FEM1C: variants seen among roughly 807,000 people sequenced by gnomAD.
The protein encoded by FEM1C is protein fem-1 homolog C.
A neutral mutation model predicts 37.6 loss-of-function variants in FEM1C; 15 were observed. The observed-to-expected ratio is 0.40, with a 90% CI of 0.27 to 0.61. FEM1C has a LOEUF of 0.61. Ranked by LOEUF, FEM1C falls within the 20% of genes least tolerant of loss-of-function variation. FEM1C has a pLI of 0.42. For missense variants in FEM1C, 532 were observed against 749.7 expected (o/e 0.71, Z 3.39); for synonymous variants, 287 against 272.8 (o/e 1.05, Z -0.51).
intron 2 of FEM1C, among the ~76,000 whole-genome samples, chr5:115,540,031 GAC>G (rs1217857384): frequency 6.6e-6 from 1 of 152,080 alleles, no homozygotes; most frequent in African/African-American, 2.4e-5. Flanking sequence ...TCCAGTGAAT[GAC>G]ACACAAAATG....
chr5:115,530,544 T>C (rs187136994), intron 2 of FEM1C, among the ~76,000 whole-genome samples: 5 of 152,164 alleles, frequency 3.3e-5, no homozygotes, highest in Middle Eastern at 3.4e-3. Context: ...TAAAAGAACA[T>C]GGCACTCAAC....
In FEM1C at chr5:115,521,689, T is replaced by C. The variant is rs1340959554; in HGVS notation, c.*2619A>G. 6.6e-6 allele frequency: 1 copy of C among 151,874 alleles called. No individual in the cohort carries two copies. The highest frequency in any genetic ancestry group is 2.4e-5 in the African/African-American group (1 of 41,408). The allele number at this position is 151,874 out of a possible 1,614,324, so 9.4% of individuals were successfully genotyped here. On this transcript the variant is annotated 3_prime_UTR_variant, in exon 3 of 3. Transcript: ENST00000274457. ...ACCGTGCTACAGTGTACAGTTTAGT[T>C]AGACTCAAGAGTGTAATTGGTTCAT... is the stretch of plus-strand genomic sequence containing the variant.
chr5:115,537,702 A>C (rs2127173738), intron 2 of FEM1C, among the ~76,000 whole-genome samples: 1 of 152,204 alleles, frequency 6.6e-6, no homozygotes, highest in East Asian at 1.9e-4. Context: ...CTCAATCAAA[A>C]TAAATATAGA....
At chr5:115,528,002 A>G (rs921302448) in intron 2 of FEM1C, among the ~76,000 whole-genome samples, 3 of 42,040 alleles carry the variant, frequency 7.1e-5, no homozygotes, top group Admixed American at 2.7e-4. Context: ...TTCGTCTCAG[A>G]AAAAAAAAAA....
chr5:115,531,034 T>C (rs1754004431), intron 2 of FEM1C, among the ~76,000 whole-genome samples: 2 of 152,080 alleles, frequency 1.3e-5, no homozygotes, highest in Non-Finnish European at 2.9e-5. Context: ...TTGCCCCCTT[T>C]TAATCTTATA....
Position 115,525,232 on chromosome 5 carries a change from A to G in FEM1C, c.930T>C (p.Gly310=), listed in dbSNP as rs540544424. The change falls in exon 3 of 3, where the codon GGT becomes GGC. Residue 310 remains glycine (G), a synonymous_variant. Coordinates refer to ENST00000274457, the MANE Select transcript of FEM1C (RefSeq NM_020177.3). ...KEVNSAEELE[G]LIADPDEMRM... Reference sequence around the variant, plus strand: ...TCATCTCATCAGGATCAGCAATAAGACCTTCTAGCTCTTCTGCACTGTTCA... The same window carrying G: ...TCATCTCATCAGGATCAGCAATAAGGCCTTCTAGCTCTTCTGCACTGTTCA... The G allele has an allele frequency of 6.2e-7, 1 of 1,613,502 alleles. No homozygotes were observed. The highest frequency in any genetic ancestry group is 1.3e-5 in the African/African-American group (1 of 74,986).
chr5:115,524,262 C>T lies in FEM1C; in HGVS notation c.*46G>A, dbSNP rs771641302. ...ACAACAGTGCTCATTTATGAAACAA[C>T]TGTTACCAATTCGTGCTTTAACAGT... is the stretch of plus-strand genomic sequence containing the variant. On this transcript the variant is annotated 3_prime_UTR_variant, in exon 3 of 3. Transcript: ENST00000274457. 5 of 1,500,016 alleles carry T rather than the reference C, an allele frequency of 3.3e-6. No homozygotes were observed. In the African/African-American group the frequency reaches 4.1e-5, roughly 12 times the overall value. The allele number at this position is 1,500,016 out of a possible 1,614,324, so 92.9% of individuals were successfully genotyped here.
At position 115,524,268 on chromosome 5, in the gene FEM1C, C is replaced by A; in HGVS notation, c.*40G>T. 1.3e-6 allele frequency: 2 copies of A among 1,529,790 alleles called. No homozygotes were observed. Among genetic ancestry groups the A allele is most frequent in the Non-Finnish European group, 1.8e-6 (2 of 1,107,184 alleles). The allele number at this position is 1,529,790 out of a possible 1,614,324, so 94.8% of individuals were successfully genotyped here. The stretch of plus-strand genomic sequence containing the variant: ...GTGCTCATTTATGAAACAACTGTTA[C>A]CAATTCGTGCTTTAACAGTGCTAAA... On this transcript the variant is annotated 3_prime_UTR_variant, in exon 3 of 3. Coordinates refer to ENST00000274457, the MANE Select transcript of FEM1C (RefSeq NM_020177.3).
At position 115,522,136 on chromosome 5, in the gene FEM1C, G is replaced by C. The variant is rs1292779904; in HGVS notation, c.*2172C>G. 1 of 130,934 alleles carries C rather than the reference G, an allele frequency of 7.6e-6. No individual in the cohort carries two copies. Among genetic ancestry groups the C allele is most frequent in the African/African-American group, 2.8e-5 (1 of 35,644 alleles). 8.1% of individuals were successfully genotyped at this position (130,934 alleles called of 1,614,324 possible). On this transcript the variant is annotated 3_prime_UTR_variant, in exon 3 of 3. Transcript: ENST00000274457. ...TAAGCCCTCCCACCCAGCCCCCAAA[G>C]AGGAGGAGGAAATACTAAATCAATT... is the stretch of plus-strand genomic sequence containing the variant.
intron 2 of FEM1C, among the ~76,000 whole-genome samples, chr5:115,531,881 G>A (rs1260901436): frequency 1.3e-5 from 2 of 151,996 alleles, no homozygotes; most frequent in East Asian, 3.9e-4. Flanking sequence ...CCGGAGACAT[G>A]GTCTGCATCT....
rs889180812 is a variant in FEM1C, at chr5:115,523,819, A to T, written c.*489T>A. On this transcript the variant is annotated 3_prime_UTR_variant, in exon 3 of 3. Transcript: ENST00000274457. ...CTTATGGTAACTGCAAATGGTAACG[A>T]GTCCTTAAGGTTTGTACAACCTAGT... The T allele has an allele frequency of 6.4e-6, 1 of 155,980 alleles. No homozygotes were observed. The highest frequency in any genetic ancestry group is 2.4e-5 in the African/African-American group (1 of 41,462). The allele number at this position is 155,980 out of a possible 1,614,324, so 9.7% of individuals were successfully genotyped here. A position where few individuals can be genotyped will look rare whatever the true frequency, so the allele number is the denominator to read the frequency against.
At chr5:115,543,707 C>T in intron 1 of FEM1C, 24 bp from the exon 2 acceptor site, 1 of 1,347,490 alleles carries the variant, frequency 7.4e-7, no homozygotes. Context: ...AAAAAAGTAG[C>T]AGCATTTAAT....
intron 2 of FEM1C, among the ~76,000 whole-genome samples, chr5:115,527,517 T>C (rs944127824): frequency 2.0e-5 from 3 of 152,160 alleles, no homozygotes; most frequent in African/African-American, 4.8e-5. Flanking sequence ...TCGATGTTCA[T>C]TTGTTTAAAA....
At chr5:115,525,662 C>G in intron 2 of FEM1C, 45 bp from the exon 3 acceptor site, 1 of 1,436,132 alleles carries the variant, frequency 7.0e-7, no homozygotes, top group Non-Finnish European at 9.5e-7. Flanking sequence ...ATTGAGGGAC[C>G]AAAATATAAT....
At chr5:115,535,688 G>GTT (rs752266267) in intron 2 of FEM1C, among the ~76,000 whole-genome samples, 1 of 151,922 alleles carries the variant, frequency 6.6e-6, no homozygotes, top group Non-Finnish European at 1.5e-5. Flanking sequence ...TTGAAAAACA[G>GTT]TTTAACGGTT....
intron 2 of FEM1C, among the ~76,000 whole-genome samples, chr5:115,534,777 T>C (rs114980899): frequency 6.6e-6 from 1 of 152,122 alleles, no homozygotes; most frequent in African/African-American, 2.4e-5. Context: ...CAAACTTTCA[T>C]GTATAAAATC....
Position 115,543,434 on chromosome 5 carries a change from G to C in FEM1C, c.60C>G (p.Thr20=). 6.2e-7 allele frequency: 1 copy of C among 1,614,078 alleles called. No homozygotes were observed. The change falls in exon 2 of 3, where the codon ACC becomes ACG. Residue 20 remains threonine, a synonymous_variant. Transcript: ENST00000274457. ...AARDGKLRLL[T]KLLASKSKEE... ...CTTTGGATTTGCTTGCCAACAATTT[G>C]GTGAGAAGCCGGAGTTTGCCATCCC...
At chr5:115,533,413 T>C (rs1169708843) in intron 2 of FEM1C, among the ~76,000 whole-genome samples, 2 of 152,178 alleles carry the variant, frequency 1.3e-5, no homozygotes, top group African/African-American at 4.8e-5. Context: ...ATGCTATAAG[T>C]ATTAAATGTA....
At position 115,524,236 on chromosome 5, in the gene FEM1C, C is replaced by A; in HGVS notation, c.*72G>T. On this transcript the variant is annotated 3_prime_UTR_variant, in exon 3 of 3. Coordinates refer to ENST00000274457, the MANE Select transcript of FEM1C (RefSeq NM_020177.3). ...CAAGCTAAATGAATGCTGGTGTTAT[C>A]ACAACAGTGCTCATTTATGAAACAA... 1 of 1,239,394 alleles carries A rather than the reference C, an allele frequency of 8.1e-7. No individual in the cohort carries two copies. Among genetic ancestry groups the A allele is most frequent in the Non-Finnish European group, 1.2e-6 (1 of 856,942 alleles). 76.8% of individuals were successfully genotyped at this position (1,239,394 alleles called of 1,614,324 possible). A position where few individuals can be genotyped will look rare whatever the true frequency, so the allele number is the denominator to read the frequency against.
Sources: gnomAD v4.1 joint callset for allele counts (sites outside exome capture counted in the v4.1 genomes callset) on GRCh38, gnomAD v4.1.1 for gene constraint, MANE v1.5 for transcripts, NCBI Gene and HGNC (gene_info 2026-07-23, HGNC 2026-07-21) for gene names.